MEGF6: variants seen among roughly 807,000 people sequenced by gnomAD.
MEGF6 encodes the protein multiple epidermal growth factor-like domains protein 6.
In MEGF6, 184 loss-of-function variants were observed where a neutral mutation model predicts 207.1. The ratio of observed to expected loss-of-function variants is 0.89; its 90% CI spans 0.79 to 1.00. The LOEUF is 1.00. MEGF6 is among the 50% of genes least tolerant of loss of function. The pLI, the probability that MEGF6 is intolerant of heterozygous loss-of-function variation, is 0.00. For missense variants in MEGF6, 2,282 were observed against 2,202.9 expected (o/e 1.04, Z -0.72); for synonymous variants, 1,038 against 910.0 (o/e 1.14, Z -2.53).
chr1:3,510,042 A>G (rs1214895446), intron 10 of MEGF6, 50 bp from the exon 11 acceptor site: 1 of 1,553,648 alleles, frequency 6.4e-7, no homozygotes, highest in South Asian at 1.2e-5. Context: ...GTGGGGAACC[A>G]GGAAGGCCCC....
chr1:3,555,255 G>T (rs1370978662), intron 4 of MEGF6, among the ~76,000 whole-genome samples: 1 of 149,814 alleles, frequency 6.7e-6, no homozygotes, highest in African/African-American at 2.5e-5. Flanking sequence ...TGGGCACGAA[G>T]AGGGTGTGAG....
intron 28 of MEGF6, 88 bp from the exon 29 acceptor site, chr1:3,496,871 C>T: frequency 6.6e-7 from 1 of 1,519,484 alleles, no homozygotes; most frequent in Non-Finnish European, 8.9e-7. Flanking sequence ...CATGAGACCC[C>T]CACACCCTCC....
intron 1 of MEGF6, among the ~76,000 whole-genome samples, chr1:3,603,865 T>C (rs1400732804): frequency 2.6e-5 from 4 of 152,226 alleles, no homozygotes; most frequent in African/African-American, 9.7e-5. Context: ...TGGAGGCTCT[T>C]GCAATGGAGG....
chr1:3,514,708 G>C, intron 6 of MEGF6, 36 bp from the exon 7 acceptor site: 3 of 1,532,750 alleles, frequency 2.0e-6, no homozygotes, highest in Non-Finnish European at 2.6e-6. Context: ...GTTGGGGAGA[G>C]GGGACCCCAG....
intron 4 of MEGF6, among the ~76,000 whole-genome samples, chr1:3,567,518 G>A (rs1366578912): frequency 6.6e-6 from 1 of 151,210 alleles, no homozygotes; most frequent in Non-Finnish European, 1.5e-5. Context: ...TGCACCCCCA[G>A]CATGGACATG....
At chr1:3,517,541 T>C (rs1194217942) in intron 5 of MEGF6, among the ~76,000 whole-genome samples, 2 of 152,272 alleles carry the variant, frequency 1.3e-5, no homozygotes, top group South Asian at 2.1e-4. Context: ...ACCAGGCAGA[T>C]TTTCGCCAGC....
chr1:3,532,428 G>A (rs1373198204), intron 4 of MEGF6, among the ~76,000 whole-genome samples: 1 of 152,226 alleles, frequency 6.6e-6, no homozygotes, highest in East Asian at 1.9e-4. Context: ...GGTGCTCAAT[G>A]ACCCTCAGCA....
At chr1:3,522,584 G>A (rs572719313) in intron 5 of MEGF6, among the ~76,000 whole-genome samples, 6 of 151,868 alleles carry the variant, frequency 4.0e-5, no homozygotes, top group Non-Finnish European at 7.4e-5. Context: ...GACTCCAGCC[G>A]GGTGAGTGAT....
At chr1:3,519,887 C>A (rs1641680040) in intron 5 of MEGF6, among the ~76,000 whole-genome samples, 1 of 152,178 alleles carries the variant, frequency 6.6e-6, no homozygotes, top group South Asian at 2.1e-4. Flanking sequence ...CACAGCACAC[C>A]CATGGCAGAG....
At chr1:3,601,214 C>T (rs1252257986) in intron 2 of MEGF6, among the ~76,000 whole-genome samples, 1 of 152,254 alleles carries the variant, frequency 6.6e-6, no homozygotes, top group Non-Finnish European at 1.5e-5. Flanking sequence ...AGCACTCTCT[C>T]CAGCCCTGGG....
intron 35 of MEGF6, 123 bp from the exon 36 acceptor site, chr1:3,491,082 T>G: frequency 1.7e-6 from 1 of 591,752 alleles, no homozygotes; most frequent in Non-Finnish European, 2.6e-6. Flanking sequence ...ACAGTCTCCT[T>G]CCCTTCTCAG....
intron 14 of MEGF6, 38 bp downstream of exon 14, chr1:3,507,757 G>T: frequency 1.2e-6 from 2 of 1,612,364 alleles, no homozygotes; most frequent in South Asian, 2.2e-5. Context: ...TTACAGCCCA[G>T]GGGTAATTCC....
At chr1:3,610,996 C>A in intron 1 of MEGF6, 142 bp downstream of exon 1, 1 of 1,147,932 alleles carries the variant, frequency 8.7e-7, no homozygotes. Flanking sequence ...TGTGTCTCAG[C>A]CACCTCCTCC....
intron 1 of MEGF6, among the ~76,000 whole-genome samples, chr1:3,607,779 G>A (rs1644271651): frequency 1.3e-5 from 2 of 152,356 alleles, no homozygotes; most frequent in Admixed American, 1.3e-4. Context: ...AAGTGGACCT[G>A]GTGCAGTCGG....
At chr1:3,601,982 C>A (rs921182403) in intron 2 of MEGF6, among the ~76,000 whole-genome samples, 2 of 152,230 alleles carry the variant, frequency 1.3e-5, no homozygotes, top group Non-Finnish European at 2.9e-5. Context: ...GCACAACCCG[C>A]TTTGCGGCAG....
chr1:3,503,403 C>T (rs1188696117), intron 17 of MEGF6, among the ~76,000 whole-genome samples: 6 of 152,032 alleles, frequency 3.9e-5, no homozygotes, highest in Non-Finnish European at 7.4e-5. Context: ...TATCAACACT[C>T]GGATGTCATC....
rs371652944 is a variant in MEGF6, at chr1:3,571,396, G to A, written c.481+8429C>T. On this transcript the variant is annotated intron_variant, in intron 4 of 36. Coordinates refer to ENST00000356575, the MANE Select transcript of MEGF6 (RefSeq NM_001409.4). ...CAGGAAAACACCGAGACCAAGGCCA[G>A]CCTGCCCCAAAGGCCAGAGAGCAAG... Among the ~76,000 whole-genome samples the A allele has an allele frequency of 2.0e-5, 3 of 152,220 alleles. No individual in the cohort carries two copies. In the East Asian group the frequency reaches 5.8e-4, roughly 29 times the overall value.
At chr1:3,517,167 C>G (rs1200350780) in intron 5 of MEGF6, among the ~76,000 whole-genome samples, 1 of 152,228 alleles carries the variant, frequency 6.6e-6, no homozygotes, top group African/African-American at 2.4e-5. Context: ...GGAAACAGAC[C>G]CCCTCCTGGC....
At chr1:3,516,237 G>A (rs563508343) in intron 5 of MEGF6, among the ~76,000 whole-genome samples, 6 of 152,248 alleles carry the variant, frequency 3.9e-5, no homozygotes, top group Non-Finnish European at 8.8e-5. Context: ...CTGAGCTGGC[G>A]CAGGGAGGCG....
Sources: gnomAD v4.1 joint callset for allele counts (sites outside exome capture counted in the v4.1 genomes callset) on GRCh38, gnomAD v4.1.1 for gene constraint, MANE v1.5 for transcripts, NCBI Gene and HGNC (gene_info 2026-07-23, HGNC 2026-07-21) for gene names.